WDR7: variants seen among roughly 807,000 people sequenced by gnomAD.
WDR7 encodes WD repeat-containing protein 7.
In WDR7, 46 loss-of-function variants were observed where a neutral mutation model predicts 169.4. The ratio of observed to expected loss-of-function variants is 0.27; its 90% confidence interval spans 0.21 to 0.35. The LOEUF is 0.35. Ranked by LOEUF, WDR7 falls within the 10% of genes least tolerant of loss-of-function variation. WDR7 has a pLI of 1.00. For synonymous variants in WDR7, 612 were observed against 666.8 expected (o/e 0.92, Z 1.27); for missense variants, 1,534 against 1,859.3 (o/e 0.83, Z 3.22).
intron 20 of WDR7, among the ~76,000 whole-genome samples, chr18:56,860,497 A>C (rs1015051269): frequency 2.0e-5 from 3 of 152,180 alleles, no homozygotes; most frequent in Non-Finnish European, 2.9e-5. Flanking sequence ...CTAATAAAAA[A>C]ATCAATATAC....
At chr18:56,859,539 T>G (rs1161745512) in intron 20 of WDR7, among the ~76,000 whole-genome samples, 1 of 152,196 alleles carries the variant, frequency 6.6e-6, no homozygotes, top group Non-Finnish European at 1.5e-5. Context: ...CTTTGGAATT[T>G]GTATGTCTAT....
At chr18:56,706,736 G>A (rs1436407593) in intron 12 of WDR7, among the ~76,000 whole-genome samples, 1 of 151,554 alleles carries the variant, frequency 6.6e-6, no homozygotes, top group Non-Finnish European at 1.5e-5. Flanking sequence ...CACCCAGGCT[G>A]GAGTGCAGTG....
intron 19 of WDR7, among the ~76,000 whole-genome samples, chr18:56,794,098 A>T (rs1481165622): frequency 6.6e-6 from 1 of 152,040 alleles, no homozygotes; most frequent in African/African-American, 2.4e-5. Flanking sequence ...AAACATTTGT[A>T]TCTTAGAATA....
rs552672689 is a variant in WDR7 at position 56,715,402 on chromosome 18, G to T, written c.1579-2562G>T. 2.0e-5 allele frequency among the ~76,000 whole-genome samples: 3 copies of T among 152,318 alleles called. No individual in the cohort carries two copies. In the South Asian group the frequency reaches 6.2e-4, roughly 32 times the overall value. On this transcript the variant is annotated intron_variant, in intron 12 of 27. Transcript: ENST00000254442. ...TACTTTTTGGAAAGGAATGACTAGA[G>T]TATATGTGAGCATGAATGAAATGAC... is the stretch of plus-strand genomic sequence containing the variant.
At chr18:56,900,109 T>TATATATATAA (rs1338219671) in intron 21 of WDR7, among the ~76,000 whole-genome samples, 10 of 147,880 alleles carry the variant, frequency 6.8e-5, no homozygotes, top group Admixed American at 2.0e-4. Context: ...TATATATATA[T>TATATATATAA]AAAATTGTTA....
At chr18:57,017,961 G>A (rs2048230514) in intron 26 of WDR7, among the ~76,000 whole-genome samples, 1 of 152,188 alleles carries the variant, frequency 6.6e-6, no homozygotes, top group Non-Finnish European at 1.5e-5. Context: ...ACACTGTTCT[G>A]AAGGAGCAAA....
At chr18:56,914,305 G>C (rs141776538) in intron 21 of WDR7, among the ~76,000 whole-genome samples, 144 of 152,294 alleles carry the variant, frequency 9.5e-4, no homozygotes, top group African/African-American at 3.3e-3. Context: ...ATCTTACCCT[G>C]CTTTATTTTT....
At chr18:56,705,254 C>T (rs1028681322) in intron 12 of WDR7, among the ~76,000 whole-genome samples, 1 of 151,652 alleles carries the variant, frequency 6.6e-6, no homozygotes, top group Non-Finnish European at 1.5e-5. Context: ...TGACTATCTG[C>T]CATATTTCAG....
intron 26 of WDR7, among the ~76,000 whole-genome samples, chr18:56,969,616 C>T (rs1031046898): frequency 1.3e-4 from 20 of 152,174 alleles, no homozygotes; most frequent in Non-Finnish European, 4.4e-5. Flanking sequence ...GCACTCCTGG[C>T]AAACAAAAAT....
chr18:56,701,498 A>G (rs945900372), intron 12 of WDR7, among the ~76,000 whole-genome samples: 1 of 152,168 alleles, frequency 6.6e-6, no homozygotes, highest in Non-Finnish European at 1.5e-5. Context: ...TATGTTTATT[A>G]TTTTTAAATG....
chr18:56,920,655 T>G (rs951954036), intron 21 of WDR7, among the ~76,000 whole-genome samples: 1 of 152,176 alleles, frequency 6.6e-6, no homozygotes, highest in Non-Finnish European at 1.5e-5. Context: ...CACCTTGCCC[T>G]CTCAGTGAGA....
At chr18:56,753,146 G>C (rs2043822033) in intron 14 of WDR7, 1 of 152,130 alleles carries the variant, frequency 6.6e-6, no homozygotes, top group South Asian at 2.1e-4. Context: ...AGACAGAAGG[G>C]AGACCAGTTA....
chr18:56,944,467 A>G (rs567995112), intron 25 of WDR7, among the ~76,000 whole-genome samples: 89 of 152,366 alleles, frequency 5.8e-4, no homozygotes, highest in Middle Eastern at 6.8e-3. Context: ...ATGACTTAAT[A>G]TATAATTTAA....
chr18:56,668,612 C>T (rs993994854), intron 1 of WDR7, among the ~76,000 whole-genome samples: 1 of 152,140 alleles, frequency 6.6e-6, no homozygotes, highest in Non-Finnish European at 1.5e-5. Context: ...AAAATGTATA[C>T]TAATTATTAG....
At chr18:56,908,004 G>A (rs1248925954) in intron 21 of WDR7, among the ~76,000 whole-genome samples, 1 of 152,080 alleles carries the variant, frequency 6.6e-6, no homozygotes, top group Admixed American at 6.6e-5. Flanking sequence ...TGTCATTGAG[G>A]GTGGGAGTGT....
At chr18:56,732,234 T>C (rs1231206534) in intron 14 of WDR7, among the ~76,000 whole-genome samples, 1 of 152,142 alleles carries the variant, frequency 6.6e-6, no homozygotes, top group Non-Finnish European at 1.5e-5. Flanking sequence ...TTTTGTAGAG[T>C]CTAGCCACTG....
intron 14 of WDR7, among the ~76,000 whole-genome samples, chr18:56,739,268 A>G (rs781136542): frequency 2.0e-5 from 3 of 152,054 alleles, no homozygotes; most frequent in African/African-American, 4.8e-5. Context: ...CTTGTTAGCT[A>G]TAGATTCTGT....
At position 56,836,557 on chromosome 18, in the gene WDR7, C is replaced by T. The variant is rs549413667; in HGVS notation, c.3304+20413C>T. Among the ~76,000 whole-genome samples, 3 of 152,352 alleles carry T rather than the reference C, an allele frequency of 2.0e-5. No homozygotes were observed. In the East Asian group the frequency reaches 5.8e-4, roughly 29 times the overall value. On this transcript the variant is annotated intron_variant, in intron 20 of 27. Coordinates refer to ENST00000254442, the MANE Select transcript of WDR7 (RefSeq NM_015285.3). ...CTATTGTATATCAGTCAACCCTAGA[C>T]ATGCGTGCTTTTTTGAAATCTGAAA...
intron 22 of WDR7, among the ~76,000 whole-genome samples, chr18:56,926,121 G>A (rs538822472): frequency 7.9e-4 from 120 of 152,294 alleles, no homozygotes; most frequent in African/African-American, 2.9e-3. Flanking sequence ...TAGCATAATG[G>A]TAGGCAGGAT....
Sources: allele counts gnomAD v4.1 joint callset (sites outside exome capture counted in the v4.1 genomes callset), GRCh38; gene constraint gnomAD v4.1.1; transcripts MANE v1.5; gene names NCBI Gene and HGNC (gene_info 2026-07-23, HGNC 2026-07-21).